DPH6: variants seen among roughly 807,000 people sequenced by gnomAD.
DPH6 encodes the protein diphthamine biosynthesis 6, also known as diphthine--ammonia ligase.
A neutral mutation model predicts 38.2 loss-of-function variants in DPH6; 33 were observed. The ratio of observed to expected loss-of-function variants is 0.86; its 90% CI spans 0.65 to 1.15. The LOEUF (loss-of-function observed/expected upper bound fraction) is 1.15, where lower values mean the gene tolerates loss of function less well. Among genes scored for constraint, DPH6 ranks in the 50% most tolerant of loss-of-function variants. The probability of loss-of-function intolerance (pLI) is 0.00; values close to 1 mark genes in which losing one functional copy is unlikely to be tolerated. For missense variants in DPH6, 325 were observed against 320.0 expected, an observed-to-expected ratio of 1.02 and a Z score of -0.12; for synonymous variants, 108 against 103.0, an observed-to-expected ratio of 1.05 and a Z score of -0.30.
chr15:35,510,338 T>A (rs2054752170), intron 3 of DPH6, among the ~76,000 whole-genome samples: 1 of 152,238 alleles, frequency 6.6e-6, no homozygotes, highest in African/African-American at 2.4e-5. Context: ...CACCTTCTAA[T>A]CACTATGCAG....
rs188730261 is a variant in DPH6 at position 35,527,851 on chromosome 15, T to C, written c.312+10423A>G. ...GCAGAACGATGCTAAGCAATGAATG[T>C]CTGATGGAAAGAGAAATGTGATTAA... On this transcript the variant is annotated intron_variant, in intron 3 of 8. Coordinates refer to ENST00000256538, the MANE Select transcript of DPH6 (RefSeq NM_080650.4). Among the ~76,000 whole-genome samples, 15 of 152,332 alleles carry C rather than the reference T, an allele frequency of 9.8e-5. No homozygotes were observed. The East Asian group carries it at 2.7e-3, about 27-fold the overall frequency.
rs57241274 is a variant in DPH6, at chr15:35,436,753, GT to G, written c.505+13931del. ...TCAGTTAAGACAGCCCTGCCTTTAA[GT>G]TTTTTTTTTTTTCTTTTCTCCACCA... On this transcript the variant is annotated intron_variant, in intron 5 of 8. Coordinates refer to ENST00000256538, the MANE Select transcript of DPH6 (RefSeq NM_080650.4). Among the ~76,000 whole-genome samples the G allele has an allele frequency of 2.8e-4, 40 of 144,040 alleles. 1 individual carries two copies. Among genetic ancestry groups the G allele is most frequent in the African/African-American group, 8.5e-4 (33 of 39,040 alleles). 94.5% of individuals were successfully genotyped at this position (144,040 alleles called of 152,430 possible).
At chr15:35,409,880 CT>C (rs2053342816) in intron 6 of DPH6, among the ~76,000 whole-genome samples, 1 of 151,262 alleles carries the variant, frequency 6.6e-6, no homozygotes, top group Non-Finnish European at 1.5e-5. Context: ...TACTATCTGC[CT>C]GGAATATACT....
At chr15:35,528,990 A>C (rs2055045838) in intron 3 of DPH6, among the ~76,000 whole-genome samples, 1 of 152,066 alleles carries the variant, frequency 6.6e-6, no homozygotes, top group Admixed American at 6.6e-5. Flanking sequence ...TTAAACCCTA[A>C]ATCAAATTGA....
chr15:35,462,599 C>A (rs185158651), intron 3 of DPH6, among the ~76,000 whole-genome samples: 2 of 152,326 alleles, frequency 1.3e-5, no homozygotes, highest in Non-Finnish European at 1.5e-5. Context: ...TCACTTCTTC[C>A]AGGTCTCTGT....
intron 3 of DPH6, among the ~76,000 whole-genome samples, chr15:35,457,731 T>C (rs1390064970): frequency 1.3e-5 from 2 of 152,246 alleles, no homozygotes; most frequent in Non-Finnish European, 2.9e-5. Flanking sequence ...ATTCCTATTT[T>C]CCAAGGTTAC....
intron 1 of DPH6, among the ~76,000 whole-genome samples, chr15:35,545,766 GA>G (rs1010707667): frequency 0.015 from 2,247 of 149,288 alleles, 52 homozygotes; most frequent in African/African-American, 0.051. Flanking sequence ...ATTAGAGCTT[GA>G]AAAAAAAAAA....
rs72705144 is a variant in DPH6, at chr15:35,508,112, C to T, written c.312+30162G>A. On this transcript the variant is annotated intron_variant, in intron 3 of 8. Coordinates refer to ENST00000256538, the MANE Select transcript of DPH6 (RefSeq NM_080650.4). The stretch of plus-strand genomic sequence containing the variant: ...TGCAGCCCCTGGTTAATTAATCTGC[C>T]GGCTGAATGACAGTGTGCCTAGGGG... Among the ~76,000 whole-genome samples the T allele has an allele frequency of 2.3e-3, 343 of 152,078 alleles. 1 individual carries two copies. Among genetic ancestry groups the T allele is most frequent in the Non-Finnish European group, 3.6e-3 (247 of 67,980 alleles).
intron 3 of DPH6, among the ~76,000 whole-genome samples, chr15:35,347,601 C>T (rs563889977): frequency 0.3 from 45,910 of 151,600 alleles, 7,658 homozygotes; most frequent in African/African-American, 0.44. Flanking sequence ...ACTTGGAGTC[C>T]AAATATCTCT....
chr15:35,429,935 T>C (rs1326164281), intron 5 of DPH6, among the ~76,000 whole-genome samples: 1 of 152,100 alleles, frequency 6.6e-6, no homozygotes, highest in East Asian at 1.9e-4. Flanking sequence ...AGCTGGATCC[T>C]AGAAGATTGT....
At chr15:35,391,831 T>G (rs900410318) in intron 6 of DPH6, among the ~76,000 whole-genome samples, 2 of 152,186 alleles carry the variant, frequency 1.3e-5, no homozygotes, top group Non-Finnish European at 2.9e-5. Flanking sequence ...TCATGCATGG[T>G]GCACTGCACC....
At chr15:35,319,388 T>C (rs141462158) in intron 3 of DPH6, among the ~76,000 whole-genome samples, 38 of 152,278 alleles carry the variant, frequency 2.5e-4, no homozygotes, top group African/African-American at 8.2e-4. Flanking sequence ...ACTTAAGTAT[T>C]TATGTCTCAT....
chr15:35,189,159 T>C, the DPH6 span, among the ~76,000 whole-genome samples: 1 of 152,224 alleles, frequency 6.6e-6, no homozygotes, highest in Admixed American at 6.5e-5. Context: ...GACTTGACAT[T>C]ATTAAATAGC....
intron 3 of DPH6, among the ~76,000 whole-genome samples, chr15:35,469,553 G>A (rs1042527071): frequency 3.9e-5 from 6 of 152,122 alleles, no homozygotes; most frequent in African/African-American, 7.2e-5. Flanking sequence ...TTATATGGCC[G>A]AGAAAGGAAC....
At chr15:35,396,351 C>T (rs1003478763) in intron 6 of DPH6, 1 of 152,172 alleles carries the variant, frequency 6.6e-6, no homozygotes, top group South Asian at 2.1e-4. Context: ...TTCGACCTAA[C>T]AGAAAGGGAA....
Position 35,504,659 on chromosome 15 carries a change from C to T in DPH6, c.312+33615G>A, listed in dbSNP as rs116571453. Among the ~76,000 whole-genome samples the T allele has an allele frequency of 6.3e-3, 954 of 152,148 alleles. 17 individuals are homozygous for T. The highest frequency in any genetic ancestry group is 0.022 in the African/African-American group (909 of 41,536). On this transcript the variant is annotated intron_variant, in intron 3 of 8. Coordinates refer to ENST00000256538, the MANE Select transcript of DPH6 (RefSeq NM_080650.4). ...TGATGAATGAATGGATGCAGCTCTT[C>T]TTTAATATTCAAAATCAATATGCCC...
At chr15:35,525,803 G>A (rs528621595) in intron 3 of DPH6, among the ~76,000 whole-genome samples, 305 of 152,196 alleles carry the variant, frequency 2.0e-3, no homozygotes, top group Non-Finnish European at 3.7e-3. Context: ...TAGCTCCACT[G>A]CACCCCAGCC....
intron 3 of DPH6, among the ~76,000 whole-genome samples, chr15:35,496,509 T>C (rs535165984): frequency 1.5e-5 from 2 of 134,468 alleles, no homozygotes; most frequent in Non-Finnish European, 3.1e-5. Flanking sequence ...GAGCTGAAAT[T>C]GGGCTATTGC....
chr15:35,297,206 C>G (rs1214478531), intron 3 of DPH6, among the ~76,000 whole-genome samples: 3 of 152,152 alleles, frequency 2.0e-5, no homozygotes, highest in Non-Finnish European at 4.4e-5. Context: ...TATAATGACT[C>G]CAAACTTGAA....
Sources: gnomAD v4.1 joint callset for allele counts (sites outside exome capture counted in the v4.1 genomes callset) on GRCh38, gnomAD v4.1.1 for gene constraint, MANE v1.5 for transcripts, NCBI Gene and HGNC (gene_info 2026-07-23, HGNC 2026-07-21) for gene names.